The following GRIN2B variants were observed in gnomAD, a reference collection of about 807,000 sequenced individuals.
GRIN2B encodes glutamate ionotropic receptor NMDA type subunit 2B.
Under a neutral mutation model 114.5 loss-of-function variants are expected in GRIN2B, and 5 were observed. The ratio of observed to expected loss-of-function variants is 0.04; its 90% CI spans 0.02 to 0.09. The LOEUF (loss-of-function observed/expected upper bound fraction) is 0.09. GRIN2B is among the 10% of genes least tolerant of loss of function. GRIN2B has a pLI of 1.00. For synonymous variants in GRIN2B, 787 were observed against 745.1 expected, an observed-to-expected ratio of 1.06 and a Z score of -0.92; for missense variants, 1,108 against 1,943.5, an observed-to-expected ratio of 0.57 and a Z score of 8.08.
chr12:13,821,637 A>ATCC (rs1864940552), intron 3 of GRIN2B, among the ~76,000 whole-genome samples: 1 of 152,220 alleles, frequency 6.6e-6, no homozygotes, highest in Non-Finnish European at 1.5e-5. Flanking sequence ...TCTGGGATCA[A>ATCC]TCCTGGCTCT....
At position 13,611,732 on chromosome 12, in the gene GRIN2B, A is replaced by G; in HGVS notation, c.1773T>C (p.Asp591=). Residue 591 remains aspartate, a synonymous_variant, in exon 9 of 14, where the codon GAT becomes GAC. Transcript: ENST00000609686. ...GGTTCCAGCCGGCCTTACCTCTGCC[A>G]TCAGCGAGGCACCTGTTATAACCCA... ...SPVGYNRCLA[D]GREPGGPSFT... 6.2e-7 allele frequency: 1 copy of G among 1,613,994 alleles called. No individual in the cohort carries two copies.
rs551758502 is a variant in GRIN2B at position 13,689,230 on chromosome 12, A to G, written c.1011-13371T>C. 2.0e-5 allele frequency among the ~76,000 whole-genome samples: 3 copies of G among 152,188 alleles called. No homozygotes were observed. In the East Asian group the frequency reaches 5.8e-4, roughly 29 times the overall value. ...GTCATCTCCACTTGCATTTATCCCT[A>G]TTACAAACTCTTAGTGCCTGAAATT... On this transcript the variant is annotated intron_variant, in intron 4 of 13. Transcript: ENST00000609686.
At chr12:13,754,580 A>T (rs201541641) in intron 3 of GRIN2B, among the ~76,000 whole-genome samples, 1 of 27,896 alleles carries the variant, frequency 3.6e-5, no homozygotes, top group East Asian at 1.5e-3. Flanking sequence ...TGTGTTCTAT[A>T]AACATATAAA....
intron 2 of GRIN2B, among the ~76,000 whole-genome samples, chr12:13,890,986 A>G (rs1446479140): frequency 6.6e-6 from 1 of 152,116 alleles, no homozygotes; most frequent in Non-Finnish European, 1.5e-5. Flanking sequence ...AATCTTACAC[A>G]TTAGCCAAGC....
At chr12:13,980,833 CTGA>C (rs1863120000) in intron 1 of GRIN2B, among the ~76,000 whole-genome samples, 1 of 152,226 alleles carries the variant, frequency 6.6e-6, no homozygotes, top group African/African-American at 2.4e-5. Context: ...CGGGCTTGTG[CTGA>C]ATGGGTTCTG....
At chr12:13,745,798 C>T (rs960084692) in intron 4 of GRIN2B, among the ~76,000 whole-genome samples, 1 of 152,166 alleles carries the variant, frequency 6.6e-6, no homozygotes, top group South Asian at 2.1e-4. Flanking sequence ...ACCCCTAAGG[C>T]AGATCAGGTC....
rs1948327119 is a variant in GRIN2B at position 13,545,118 on chromosome 12, A to G, written c.*17665T>C. ...CGGCTCTTCCTCAAGTTTGCCAAGCATTTGGTTTGACAGCAGGGCCTTTGC... is the reference window on the plus strand; with the variant it reads ...CGGCTCTTCCTCAAGTTTGCCAAGCGTTTGGTTTGACAGCAGGGCCTTTGC... On this transcript the variant is annotated 3_prime_UTR_variant, in exon 14 of 14. Coordinates refer to ENST00000609686, the MANE Select transcript of GRIN2B (RefSeq NM_000834.5). 6.6e-6 allele frequency: 1 copy of G among 152,200 alleles called. No homozygotes were observed. The highest frequency in any genetic ancestry group is 1.5e-5 in the Non-Finnish European group (1 of 68,066). The allele number at this position is 152,200 out of a possible 1,614,324, so 9.4% of individuals were successfully genotyped here. A position where few individuals can be genotyped will look rare whatever the true frequency, so the allele number is the denominator to read the frequency against.
chr12:13,693,990 A>G (rs1950236389), intron 4 of GRIN2B, among the ~76,000 whole-genome samples: 1 of 152,166 alleles, frequency 6.6e-6, no homozygotes. Flanking sequence ...GAAGGGATAG[A>G]GGGGAACTAG....
chr12:13,769,435 G>A (rs1481694906), intron 3 of GRIN2B, among the ~76,000 whole-genome samples: 3 of 152,098 alleles, frequency 2.0e-5, no homozygotes, highest in Admixed American at 6.5e-5. Flanking sequence ...AGTGTTTCGT[G>A]CATATGCTCC....
chr12:13,567,497 G>A (rs148796614), intron 12 of GRIN2B, among the ~76,000 whole-genome samples: 65 of 152,252 alleles, frequency 4.3e-4, no homozygotes, highest in Non-Finnish European at 7.2e-4. Context: ...CATGAGTACC[G>A]CAGGCGATAT....
Position 13,644,305 on chromosome 12 carries a change from G to A in GRIN2B, c.1126-27648C>T, listed in dbSNP as rs140870459. Among the ~76,000 whole-genome samples the A allele has an allele frequency of 3.5e-3, 534 of 152,218 alleles. 1 individual carries two copies. Among genetic ancestry groups the A allele is most frequent in the Non-Finnish European group, 5.5e-3 (373 of 67,986 alleles). On this transcript the variant is annotated intron_variant, in intron 5 of 13. Transcript: ENST00000609686. ...TCTTGAATGACTAGATGTATTTATT[G>A]TCAATGAGCAGTGATATTTTGAAAG...
At chr12:13,871,009 GGTACC>G (rs1865896828) in intron 2 of GRIN2B, among the ~76,000 whole-genome samples, 1 of 152,058 alleles carries the variant, frequency 6.6e-6, no homozygotes, top group Non-Finnish European at 1.5e-5. Flanking sequence ...ATAACATATA[GGTACC>G]AGGAAGAAGC....
At chr12:13,787,532 C>A (rs530850366) in intron 3 of GRIN2B, among the ~76,000 whole-genome samples, 1 of 152,284 alleles carries the variant, frequency 6.6e-6, no homozygotes, top group South Asian at 2.1e-4. Context: ...TACCAGAGAA[C>A]TGAAACACAA....
chr12:13,723,513 G>A (rs1390499649), intron 4 of GRIN2B, among the ~76,000 whole-genome samples: 1 of 151,916 alleles, frequency 6.6e-6, no homozygotes, highest in African/African-American at 2.4e-5. Context: ...ATAAGCTAGT[G>A]CCTCATTCTC....
intron 2 of GRIN2B, among the ~76,000 whole-genome samples, chr12:13,954,921 C>T (rs889016655): frequency 3.3e-5 from 5 of 151,098 alleles, no homozygotes; most frequent in Non-Finnish European, 7.4e-5. Context: ...CAACTGAGAC[C>T]TCCAATTATA....
chr12:13,870,227 G>C (rs1865885220), intron 2 of GRIN2B, among the ~76,000 whole-genome samples: 1 of 152,170 alleles, frequency 6.6e-6, no homozygotes, highest in Non-Finnish European at 1.5e-5. Flanking sequence ...TCATGTAGAT[G>C]AATTCAATAA....
chr12:13,877,971 G>A (rs1451618328), intron 2 of GRIN2B, among the ~76,000 whole-genome samples: 2 of 150,338 alleles, frequency 1.3e-5, no homozygotes, highest in East Asian at 4.0e-4. Flanking sequence ...GGCTGAGGCA[G>A]GAGAATTGCT....
At chr12:13,761,904 T>G (rs2136637585) in intron 3 of GRIN2B, among the ~76,000 whole-genome samples, 1 of 152,252 alleles carries the variant, frequency 6.6e-6, no homozygotes, top group South Asian at 2.1e-4. Context: ...CACACTAAAT[T>G]TAATAAAATC....
rs1949424768 is a variant in GRIN2B, at chr12:13,615,433, T to C, written c.1500+60A>G. 11 of 1,508,700 alleles carry C rather than the reference T, an allele frequency of 7.3e-6. No homozygotes were observed. Among genetic ancestry groups the C allele is most frequent in the Middle Eastern group, 1.7e-4 (1 of 5,818 alleles). 93.5% of individuals were successfully genotyped at this position (1,508,700 alleles called of 1,614,324 possible). A position where few individuals can be genotyped will look rare whatever the true frequency, so the allele number is the denominator to read the frequency against. On this transcript the variant is annotated intron_variant, in intron 7 of 13. Coordinates refer to ENST00000609686, the MANE Select transcript of GRIN2B (RefSeq NM_000834.5). The surrounding 1 kb of genome is among the most constrained non-coding windows in gnomAD (Gnocchi z 5.8). ...ATAAAGTGAGCACGTTTTAAACTTA[T>C]ATTTAGAAGAAGGAAAATAAATGAA...
Sources: gnomAD v4.1 joint callset for allele counts (sites outside exome capture counted in the v4.1 genomes callset) on GRCh38, gnomAD v4.1.1 for gene constraint, Gnocchi (gnomAD v3.1) non-coding constraint, MANE v1.5 for transcripts, NCBI Gene and HGNC (gene_info 2026-07-23, HGNC 2026-07-21) for gene names.